DNER: variants seen among roughly 807,000 people sequenced by gnomAD.
The protein encoded by DNER is delta/notch like EGF repeat containing.
DNER carries 33 observed loss-of-function variants against 78.2 expected under a neutral mutation model. That is an observed-to-expected ratio of 0.42 (90% confidence interval 0.32 to 0.56). The LOEUF is 0.56. Among genes scored for constraint, DNER ranks in the 20% least tolerant of loss-of-function variants. The pLI is 0.11. For synonymous variants in DNER, 417 were observed against 384.8 expected, an observed-to-expected ratio of 1.08 and a Z score of -0.98; for missense variants, 918 against 975.3, an observed-to-expected ratio of 0.94 and a Z score of 0.78.
chr2:229,714,309 C>T lies in DNER; in HGVS notation c.115G>A (p.Ala39Thr), dbSNP rs1001285576. The T allele has an allele frequency of 1.5e-6, 2 of 1,297,560 alleles. No individual in the cohort carries two copies. Among genetic ancestry groups the T allele is most frequent in the Non-Finnish European group, 1.9e-6 (2 of 1,027,854 alleles). The allele number at this position is 1,297,560 out of a possible 1,614,324, so 80.4% of individuals were successfully genotyped here. A position where few individuals can be genotyped will look rare whatever the true frequency, so the allele number is the denominator to read the frequency against. Residue 39 changes from alanine to threonine, a missense_variant, in exon 1 of 13, where the codon GCC becomes ACC. Ala to Thr is a moderately conservative substitution (Grantham distance 58, BLOSUM62 0). Coordinates refer to ENST00000341772, the MANE Select transcript of DNER (RefSeq NM_139072.4). Reference protein sequence around the residue: ...RGSSLANPVPAAPLSAPGPCA... With the variant: ...RGSSLANPVPTAPLSAPGPCA... The stretch of plus-strand genomic sequence containing the variant: ...GGCCCGGGCGCAGACAGGGGCGCGG[C>T]GGGCACCGGGTTGGCCAGGGAGCTG...
intron 1 of DNER, among the ~76,000 whole-genome samples, chr2:229,603,998 C>A (rs149279420): frequency 0.017 from 2,515 of 152,148 alleles, 77 homozygotes; most frequent in African/African-American, 0.057. Context: ...CCTCCAGCAC[C>A]GCGGCCACAT....
At chr2:229,608,112 T>A (rs1461396467) in intron 1 of DNER, among the ~76,000 whole-genome samples, 1 of 151,856 alleles carries the variant, frequency 6.6e-6, no homozygotes, top group African/African-American at 2.4e-5. Flanking sequence ...CCCCTGGGAC[T>A]GACATAAATA....
intron 4 of DNER, among the ~76,000 whole-genome samples, chr2:229,565,685 G>C (rs904054262): frequency 6.6e-6 from 1 of 152,098 alleles, no homozygotes; most frequent in African/African-American, 2.4e-5. Flanking sequence ...TCTCCAATTA[G>C]CAAAAATATT....
At chr2:229,370,120 A>G (rs897138543) in intron 11 of DNER, among the ~76,000 whole-genome samples, 1 of 152,318 alleles carries the variant, frequency 6.6e-6, no homozygotes, top group Admixed American at 6.5e-5. Flanking sequence ...TTCAGTCATC[A>G]TAGATCTAAG....
rs1430768896 is a variant in DNER, at chr2:229,714,169, C to A, written c.255G>T (p.Gly85=). The A allele has an allele frequency of 7.5e-7, 1 of 1,326,986 alleles. No homozygotes were observed. Among genetic ancestry groups the A allele is most frequent in the Non-Finnish European group, 9.6e-7 (1 of 1,042,770 alleles). 82.2% of individuals were successfully genotyped at this position (1,326,986 alleles called of 1,614,324 possible). A position where few individuals can be genotyped will look rare whatever the true frequency, so the allele number is the denominator to read the frequency against. Residue 85 remains glycine (G), a synonymous_variant, in exon 1 of 13, where the codon GGG becomes GGT. Coordinates refer to ENST00000341772, the MANE Select transcript of DNER (RefSeq NM_139072.4). The part of the protein sequence containing the change: ...EPGYSCTCPA[G]ISGANCQLVA... ...TCACCTGGCAGTTGGCGCCGGAGATCCCGGCGGGGCAGGTGCAGCTGTAGC... is the reference window on the plus strand; with the variant it reads ...TCACCTGGCAGTTGGCGCCGGAGATACCGGCGGGGCAGGTGCAGCTGTAGC...
At chr2:229,546,667 C>T (rs113857349) in intron 5 of DNER, among the ~76,000 whole-genome samples, 18,826 of 151,480 alleles carry the variant, frequency 0.12, 1,338 homozygotes, top group Middle Eastern at 0.21. Context: ...ACCCAGGAGC[C>T]AGAGGTTGCG....
chr2:229,561,323 G>GA (rs1268441551), intron 4 of DNER, among the ~76,000 whole-genome samples: 1 of 151,968 alleles, frequency 6.6e-6, no homozygotes, highest in Admixed American at 6.6e-5. Flanking sequence ...TTGCTCTAGG[G>GA]AAAAAAATTG....
intron 4 of DNER, among the ~76,000 whole-genome samples, chr2:229,551,803 G>C (rs1696742833): frequency 6.6e-6 from 1 of 151,914 alleles, no homozygotes; most frequent in East Asian, 1.9e-4. Flanking sequence ...ATGGTGGTGG[G>C]TGCCTGTAAT....
chr2:229,498,420 A>G (rs1695544681), intron 6 of DNER, among the ~76,000 whole-genome samples: 1 of 152,196 alleles, frequency 6.6e-6, no homozygotes, highest in Non-Finnish European at 1.5e-5. Context: ...TATACTAGCC[A>G]GAGCAATTAG....
intron 11 of DNER, among the ~76,000 whole-genome samples, chr2:229,380,543 C>T (rs935744409): frequency 1.2e-4 from 19 of 152,162 alleles, no homozygotes; most frequent in African/African-American, 4.6e-4. Context: ...TAGCTCTCTT[C>T]GGCTATGAAA....
rs188251067 is a variant in DNER at position 229,401,567 on chromosome 2, A to G, written c.1723+5665T>C. On this transcript the variant is annotated intron_variant, in intron 10 of 12. Transcript: ENST00000341772. ...AGAATCACGCTGAGTAGAAAAAAAA[A>G]TCAATCTCAAAAGGCTACACACTAT... Among the ~76,000 whole-genome samples the G allele has an allele frequency of 2.2e-3, 335 of 152,240 alleles. 1 individual carries two copies. The highest frequency in any genetic ancestry group is 7.7e-3 in the African/African-American group (322 of 41,556).
intron 5 of DNER, among the ~76,000 whole-genome samples, chr2:229,520,332 C>G (rs1696069475): frequency 6.6e-6 from 1 of 152,132 alleles, no homozygotes; most frequent in African/African-American, 2.4e-5. Context: ...GGAGGACAGT[C>G]CCAAGCCAAG....
At chr2:229,488,656 T>A (rs770484782) in intron 6 of DNER, among the ~76,000 whole-genome samples, 2 of 152,254 alleles carry the variant, frequency 1.3e-5, no homozygotes, top group Non-Finnish European at 2.9e-5. Context: ...ATGTGTTCCT[T>A]CTTTCCTTTT....
chr2:229,510,757 A>T (rs916989404), intron 6 of DNER, among the ~76,000 whole-genome samples: 2 of 152,146 alleles, frequency 1.3e-5, no homozygotes, highest in Non-Finnish European at 2.9e-5. Flanking sequence ...GCTGTCAAGT[A>T]AGTAGGTCTG....
At chr2:229,657,393 G>A (rs990174637) in intron 1 of DNER, among the ~76,000 whole-genome samples, 2 of 152,092 alleles carry the variant, frequency 1.3e-5, no homozygotes, top group African/African-American at 4.8e-5. Context: ...ACCTGTCAAT[G>A]AGCATTTAGG....
intron 1 of DNER, among the ~76,000 whole-genome samples, chr2:229,680,015 C>T (rs531077632): frequency 1.2e-4 from 19 of 152,254 alleles, no homozygotes; most frequent in African/African-American, 4.6e-4. Context: ...TTGGGTCTCT[C>T]CCAACTGCAA....
chr2:229,464,076 G>C (rs968222339), intron 7 of DNER, among the ~76,000 whole-genome samples: 2 of 152,174 alleles, frequency 1.3e-5, no homozygotes, highest in African/African-American at 4.8e-5. Context: ...TTTCCAACTG[G>C]GCCTGAAAGA....
chr2:229,512,948 A>G lies in DNER; in HGVS notation c.994-12T>C. Reference sequence around the variant, plus strand: ...CAGGAAAAAGTTGCCTAAAACACAAAAAAAGCACAGTGTCTATTACCTGGC... The same window carrying G: ...CAGGAAAAAGTTGCCTAAAACACAAGAAAAGCACAGTGTCTATTACCTGGC... On this transcript the variant is annotated splice_polypyrimidine_tract_variant and intron_variant, in intron 5 of 12. Coordinates refer to ENST00000341772, the MANE Select transcript of DNER (RefSeq NM_139072.4). 6.2e-7 allele frequency: 1 copy of G among 1,612,926 alleles called. No homozygotes were observed. Among genetic ancestry groups the G allele is most frequent in the East Asian group, 2.2e-5 (1 of 44,842 alleles).
intron 1 of DNER, among the ~76,000 whole-genome samples, chr2:229,712,151 G>A (rs1483181874): frequency 6.6e-6 from 1 of 152,156 alleles, no homozygotes; most frequent in Non-Finnish European, 1.5e-5. Flanking sequence ...CAGGTGGATG[G>A]TGTTCACACA....
Sources: allele counts gnomAD v4.1 joint callset (sites outside exome capture counted in the v4.1 genomes callset), GRCh38; gene constraint gnomAD v4.1.1; transcripts MANE v1.5; gene names NCBI Gene and HGNC (gene_info 2026-07-23, HGNC 2026-07-21).